Variants in UBR2 observed in about 807,000 individuals in gnomAD.
UBR2 encodes E3 ubiquitin-protein ligase UBR2.
A neutral mutation model predicts 247.9 loss-of-function variants in UBR2; 92 were observed. That is an observed-to-expected ratio of 0.37 (90% CI 0.31 to 0.44). The LOEUF (loss-of-function observed/expected upper bound fraction) is 0.44. UBR2 is among the 20% of genes least tolerant of loss of function. UBR2 has a pLI of 1.00. For missense variants in UBR2, 1,613 were observed against 2,112.6 expected (o/e 0.76, Z 4.64); for synonymous variants, 672 against 693.5 (o/e 0.97, Z 0.49).
chr6:42,616,398 G>A (rs1465516391), intron 10 of UBR2, among the ~76,000 whole-genome samples: 1 of 151,556 alleles, frequency 6.6e-6, no homozygotes, highest in African/African-American at 2.4e-5. Flanking sequence ...TTCATATAAG[G>A]AAACTAATCT....
At position 42,640,244 on chromosome 6, in the gene UBR2, T is replaced by C. The variant is rs1796343101; in HGVS notation, c.1894T>C (p.Tyr632His). The change falls in exon 16 of 47, where the codon TAT becomes CAT. Residue 632 changes from tyrosine (Y) to histidine (H), a missense_variant. By Grantham distance (83) the Tyr-to-His change is moderately conservative. Transcript: ENST00000372901. ...ATTATTAAGCAAAAGTGAAGTGGCA[T>C]ATAAATTTCCAGAGCTCCTACCTCT... Reference protein sequence around the residue: ...HVLLSKSEVAYKFPELLPLSE... With the variant: ...HVLLSKSEVAHKFPELLPLSE... 2 of 1,608,118 alleles carry C rather than the reference T, an allele frequency of 1.2e-6. No homozygotes were observed. Among genetic ancestry groups the C allele is most frequent in the African/African-American group, 2.7e-5 (2 of 74,666 alleles).
chr6:42,581,693 C>CT (rs1269431148), intron 2 of UBR2, among the ~76,000 whole-genome samples: 1 of 152,176 alleles, frequency 6.6e-6, no homozygotes, highest in African/African-American at 2.4e-5. Flanking sequence ...AGCATAATGT[C>CT]TGTCAGATTT....
In UBR2 at chr6:42,659,534, CACACACACACACACACACACACACACACT is replaced by C. The variant is rs1040385355; in HGVS notation, c.3243-106_3243-78del. 3 of 631,502 alleles carry C rather than the reference CACACACACACACACACACACACACACACT, an allele frequency of 4.8e-6. No individual in the cohort carries two copies. The highest frequency in any genetic ancestry group is 1.9e-5 in the African/African-American group (1 of 51,624). 39.1% of individuals were successfully genotyped at this position (631,502 alleles called of 1,614,324 possible). A position where few individuals can be genotyped will look rare whatever the true frequency, so the allele number is the denominator to read the frequency against. ...ATAAATATATATACACACACACACACACACACACACACACACACACACACACACTACACACACACACACATACCTGTAGT... is the reference window on the plus strand; with the variant it reads ...ATAAATATATATACACACACACACACACACACACACACACATACCTGTAGT... On this transcript the variant is annotated intron_variant, in intron 29 of 46. Coordinates refer to ENST00000372901, the MANE Select transcript of UBR2 (RefSeq NM_001363705.2). This position sits in a 1 kb window ranked among gnomAD's most constrained non-coding sequence, Gnocchi z 4.3.
intron 2 of UBR2, among the ~76,000 whole-genome samples, chr6:42,591,625 G>T (rs73438689): frequency 0.023 from 3,558 of 152,040 alleles, 125 homozygotes; most frequent in African/African-American, 0.081. Context: ...ACCTATAGAA[G>T]GTTTAATTTC....
chr6:42,624,800 T>C (rs1795231717), intron 11 of UBR2, among the ~76,000 whole-genome samples: 1 of 152,218 alleles, frequency 6.6e-6, no homozygotes, highest in Admixed American at 6.5e-5. Context: ...AAGGCCACTC[T>C]TAGGTTCTAC....
Position 42,628,302 on chromosome 6 carries a change from A to G in UBR2, c.1282-4250A>G, listed in dbSNP as rs75518962. 1.5e-4 allele frequency among the ~76,000 whole-genome samples: 23 copies of G among 152,304 alleles called. No individual in the cohort carries two copies. In the East Asian group the frequency reaches 4.4e-3, roughly 29 times the overall value. The stretch of plus-strand genomic sequence containing the variant: ...AAAAAAAAACAAAACTCTGTTAATA[A>G]TTATTATGCACATCCCTGGTTAAAA... On this transcript the variant is annotated intron_variant, in intron 11 of 46. Transcript: ENST00000372901.
chr6:42,630,940 G>A (rs566439530), intron 11 of UBR2, among the ~76,000 whole-genome samples: 13 of 152,108 alleles, frequency 8.5e-5, no homozygotes, highest in Admixed American at 2.0e-4. Context: ...CCAGGTAGCT[G>A]GGAATACAGG....
In UBR2 at chr6:42,592,127, GA is replaced by G. The variant is rs753114525; in HGVS notation, c.339-23del. 7.9e-6 allele frequency: 12 copies of G among 1,525,184 alleles called. No individual in the cohort carries two copies. In the South Asian group the frequency reaches 1.0e-4, roughly 13 times the overall value. The allele number at this position is 1,525,184 out of a possible 1,614,324, so 94.5% of individuals were successfully genotyped here. ...ATATATAGTTATTTTCTGACACTTT[GA>G]TTTTTTTTTTTTAACTTTACAGAGA... On this transcript the variant is annotated intron_variant, in intron 2 of 46. Transcript: ENST00000372901.
intron 8 of UBR2, among the ~76,000 whole-genome samples, 185 bp from the exon 9 acceptor site, chr6:42,614,886 A>T (rs1403563310): frequency 2.0e-5 from 3 of 152,190 alleles, no homozygotes; most frequent in Non-Finnish European, 2.9e-5. Flanking sequence ...GTGATGTGAG[A>T]TTTGAAATTT....
intron 25 of UBR2, among the ~76,000 whole-genome samples, chr6:42,652,986 TC>T (rs1797210682): frequency 6.6e-6 from 1 of 152,234 alleles, no homozygotes; most frequent in African/African-American, 2.4e-5. Flanking sequence ...TTTTGAATCA[TC>T]CATATCCTTA....
In UBR2 at chr6:42,689,495, A is replaced by G. The variant is rs191559580; in HGVS notation, c.5025-74A>G. 80 of 1,392,602 alleles carry G rather than the reference A, an allele frequency of 5.7e-5. 1 individual carries two copies. In the Admixed American group the frequency reaches 1.1e-3, roughly 18 times the overall value. The allele number at this position is 1,392,602 out of a possible 1,614,324, so 86.3% of individuals were successfully genotyped here. On this transcript the variant is annotated intron_variant, in intron 45 of 46. Transcript: ENST00000372901. The surrounding 1 kb of genome is among the most constrained non-coding windows in gnomAD (Gnocchi z 4.0). ...TTAAATATCAGTACTATAAGACTTC[A>G]TTCTATTTGGAACTGAATACAAATG...
chr6:42,614,205 A>AAAAAAAAAT (rs1562310782), intron 8 of UBR2, among the ~76,000 whole-genome samples: 1 of 26,614 alleles, frequency 3.8e-5, no homozygotes, highest in African/African-American at 1.6e-4. Context: ...AAAAAAAAAA[A>AAAAAAAAAT]CTATATATAT....
At chr6:42,580,621 C>T (rs1298028071) in intron 2 of UBR2, among the ~76,000 whole-genome samples, 1 of 152,070 alleles carries the variant, frequency 6.6e-6, no homozygotes, top group East Asian at 1.9e-4. Context: ...CTCACTGCAG[C>T]CTCCGCCTCC....
At chr6:42,676,669 A>G in intron 39 of UBR2, 114 bp from the exon 40 acceptor site, 1 of 829,968 alleles carries the variant, frequency 1.2e-6, no homozygotes, top group Non-Finnish European at 2.0e-6. Flanking sequence ...GTTTTCTAGG[A>G]ATACTTCATG....
intron 11 of UBR2, among the ~76,000 whole-genome samples, chr6:42,623,356 C>G (rs572171042): frequency 3.3e-5 from 5 of 152,240 alleles, no homozygotes; most frequent in African/African-American, 9.6e-5. Context: ...AGCCTGCCCT[C>G]AAATTCCTGG....
intron 34 of UBR2, among the ~76,000 whole-genome samples, chr6:42,668,241 T>C (rs887046886): frequency 2.0e-5 from 3 of 152,180 alleles, no homozygotes; most frequent in Non-Finnish European, 4.4e-5. Flanking sequence ...CTTGACTCTT[T>C]TTGCAGATTC....
intron 41 of UBR2, among the ~76,000 whole-genome samples, chr6:42,679,310 A>C (rs1267739067): frequency 6.6e-6 from 1 of 152,210 alleles, no homozygotes; most frequent in Non-Finnish European, 1.5e-5. Context: ...AGTCTTCCAG[A>C]TTATTTGCAG....
intron 11 of UBR2, among the ~76,000 whole-genome samples, chr6:42,627,846 G>A (rs1037931360): frequency 1.3e-5 from 2 of 152,078 alleles, no homozygotes; most frequent in African/African-American, 2.4e-5. Flanking sequence ...TTGTTTTAAA[G>A]TTAAACTGTA....
intron 23 of UBR2, among the ~76,000 whole-genome samples, chr6:42,651,582 C>G (rs1023328591): frequency 6.6e-6 from 1 of 152,010 alleles, no homozygotes; most frequent in African/African-American, 2.4e-5. Flanking sequence ...CCCCTGCCTC[C>G]CAGGTTCAAG....
Sources: gnomAD v4.1 joint callset for allele counts (sites outside exome capture counted in the v4.1 genomes callset) on GRCh38, gnomAD v4.1.1 for gene constraint, Gnocchi (gnomAD v3.1) non-coding constraint, MANE v1.5 for transcripts, NCBI Gene and HGNC (gene_info 2026-07-23, HGNC 2026-07-21) for gene names.